The following MCM3AP variants were observed in gnomAD, a reference collection of about 807,000 sequenced individuals.
MCM3AP encodes germinal-center associated nuclear protein.
A neutral mutation model predicts 184.1 loss-of-function variants in MCM3AP; 126 were observed. That is an observed-to-expected ratio of 0.68 (90% CI 0.59 to 0.79). MCM3AP has a LOEUF of 0.79. Ranked by LOEUF, MCM3AP falls within the 30% of genes least tolerant of loss-of-function variation. The pLI is 0.00. For missense variants in MCM3AP, 2,496 were observed against 2,479.2 expected, an observed-to-expected ratio of 1.01 and a Z score of -0.14; for synonymous variants, 1,002 against 979.3, an observed-to-expected ratio of 1.02 and a Z score of -0.43.
intron 15 of MCM3AP, 120 bp downstream of exon 15, chr21:46,260,673 A>C: frequency 1.5e-6 from 1 of 672,716 alleles, no homozygotes; most frequent in East Asian, 2.6e-5. Flanking sequence ...CACAAAATCA[A>C]AGTAGCTTAG....
rs1397600655 is a variant in MCM3AP at position 46,280,507 on chromosome 21, C to T, written c.1512G>A (p.Arg504=). ...LHKDMAIFWH[R]KKISPNKKPF... The stretch of plus-strand genomic sequence containing the variant: ...TAATTGAAAACTCACTTATTTTCTT[C>T]CTGTGCCAAAAGATAGCCATGTCTT... Residue 504 remains arginine, a synonymous_variant, in exon 3 of 28, where the codon AGG becomes AGA. Transcript: ENST00000291688. 1 of 1,607,372 alleles carries T rather than the reference C, an allele frequency of 6.2e-7. No individual in the cohort carries two copies. Among genetic ancestry groups the T allele is most frequent in the Non-Finnish European group, 8.5e-7 (1 of 1,175,740 alleles).
Position 46,284,773 on chromosome 21 carries a change from C to A in MCM3AP, c.514G>T (p.Ala172Ser), listed in dbSNP as rs1246001899. ...TGGGAAAATGTAAAAAACCCAGAAG[C>A]AATTTGGCTCTGGGTTTTCTCTGGC... ...SEPEKTQSQIASGFFTFSHPI... is the reference protein window; with the variant it reads ...SEPEKTQSQISSGFFTFSHPI... The change falls in exon 1 of 28, where the codon GCT becomes TCT. Residue 172 changes from alanine (A) to serine (S), a missense_variant. Ala to Ser is a moderately conservative substitution (Grantham distance 99). This residue lies in a region of MCM3AP where 800 missense variants were observed against 717.1 expected (regional missense o/e 1.12). Transcript: ENST00000291688. 11 of 1,613,618 alleles carry A rather than the reference C, an allele frequency of 6.8e-6. No homozygotes were observed. Among genetic ancestry groups the A allele is most frequent in the Non-Finnish European group, 9.3e-6 (11 of 1,179,956 alleles).
intron 19 of MCM3AP, 75 bp downstream of exon 19, chr21:46,254,317 A>G (rs951636001): frequency 9.8e-5 from 152 of 1,546,162 alleles, no homozygotes; most frequent in Non-Finnish European, 1.3e-4. Context: ...TAAGAGGAAT[A>G]CCCGGCCCTG....
intron 24 of MCM3AP, among the ~76,000 whole-genome samples, chr21:46,243,223 A>G (rs2080703397): frequency 6.6e-6 from 1 of 152,194 alleles, no homozygotes; most frequent in African/African-American, 2.4e-5. Context: ...AAAAGCCACA[A>G]AATCCTCTCT....
chr21:46,278,258 T>C (rs938194393), intron 4 of MCM3AP, among the ~76,000 whole-genome samples: 5 of 152,232 alleles, frequency 3.3e-5, no homozygotes, highest in South Asian at 2.1e-4. Context: ...AAAAAGTCTT[T>C]AATATCATAA....
chr21:46,273,330 A>C (rs968775062), intron 7 of MCM3AP, 58 bp downstream of exon 7: 22 of 1,454,808 alleles, frequency 1.5e-5, no homozygotes, highest in Non-Finnish European at 2.0e-5. Context: ...TAAAAATATC[A>C]GTTTGACTTT....
chr21:46,243,659 T>G lies in MCM3AP; in HGVS notation c.5102A>C (p.Gln1701Pro). 6.2e-7 allele frequency: 1 copy of G among 1,614,218 alleles called. No individual in the cohort carries two copies. Among genetic ancestry groups the G allele is most frequent in the Non-Finnish European group, 8.5e-7 (1 of 1,180,038 alleles). The change falls in exon 24 of 28, where the codon CAG becomes CCG. Residue 1701 changes from glutamine to proline, a missense_variant. Physicochemically the swap from Gln to Pro is moderately conservative, Grantham distance 76. Coordinates refer to ENST00000291688, the MANE Select transcript of MCM3AP (RefSeq NM_003906.5). The part of the protein sequence containing the change: ...QYASQIPSSR[Q>P]TQPVLQSQVE... Reference sequence around the variant, plus strand: ...CTGGGACTGGAGGACAGGCTGTGTCTGGCGTGAGCTGGGGATCTGGGAGGC... The same window carrying G: ...CTGGGACTGGAGGACAGGCTGTGTCGGGCGTGAGCTGGGGATCTGGGAGGC...
intron 8 of MCM3AP, among the ~76,000 whole-genome samples, chr21:46,271,966 T>C (rs1402891762): frequency 6.6e-6 from 1 of 150,842 alleles, no homozygotes; most frequent in Non-Finnish European, 1.5e-5. Context: ...TCACCATTGA[T>C]AGGGGATTCT....
intron 20 of MCM3AP, chr21:46,251,287 T>C (rs931266032): frequency 8.6e-6 from 3 of 346,980 alleles, no homozygotes; most frequent in Non-Finnish European, 1.6e-5. Flanking sequence ...AAATCCAATA[T>C]ATAGTATTAA....
At position 46,277,698 on chromosome 21, in the gene MCM3AP, T is replaced by C. The variant is rs1217247353; in HGVS notation, c.1687A>G (p.Ser563Gly). Residue 563 changes from serine to glycine, a missense_variant, in exon 5 of 28, where the codon AGT becomes GGT. This residue lies in a region of MCM3AP where 800 missense variants were observed against 717.1 expected (regional missense o/e 1.12). Coordinates refer to ENST00000291688, the MANE Select transcript of MCM3AP (RefSeq NM_003906.5). ...LNKSSPVKKP[S>G]LLKAHQFEGD... is the part of the protein sequence containing the mutation. ...TCGAATTGGTGGGCCTTTAGAAGAC[T>C]TGGCTTCTTCACTGGAGAGCTATAA... The C allele has an allele frequency of 1.3e-6, 2 of 1,592,140 alleles. No homozygotes were observed. The highest frequency in any genetic ancestry group is 1.7e-6 in the Non-Finnish European group (2 of 1,169,310).
chr21:46,274,632 A>G (rs1279946921), intron 6 of MCM3AP, among the ~76,000 whole-genome samples: 2 of 152,168 alleles, frequency 1.3e-5, no homozygotes, highest in African/African-American at 4.8e-5. Context: ...GACAGGAATA[A>G]GATCGTAAAA....
intron 22 of MCM3AP, among the ~76,000 whole-genome samples, chr21:46,245,539 T>C (rs771481617): frequency 1.3e-5 from 2 of 152,226 alleles, no homozygotes; most frequent in Non-Finnish European, 2.9e-5. Context: ...CTTCTCCTTT[T>C]TGGAAGGACT....
chr21:46,261,403 T>C lies in MCM3AP; in HGVS notation c.3344A>G (p.Asn1115Ser). 2 of 1,613,998 alleles carry C rather than the reference T, an allele frequency of 1.2e-6. No homozygotes were observed. Among genetic ancestry groups the C allele is most frequent in the South Asian group, 1.1e-5 (1 of 91,080 alleles). ...TGTTAACAAATCCTCCATAGCAGCATTAGAAACACTAAACGGAGCAAAGGG... is the reference window on the plus strand; with the variant it reads ...TGTTAACAAATCCTCCATAGCAGCACTAGAAACACTAAACGGAGCAAAGGG... ...AYAAAALGVSNAAMEDLLTAA... is the reference protein window; with the variant it reads ...AYAAAALGVSSAAMEDLLTAA... Residue 1115 changes from asparagine to serine, a missense_variant, in exon 14 of 28, where the codon AAT (asparagine) becomes AGT (serine). Transcript: ENST00000291688.
At chr21:46,238,829 A>G (rs1827405528) in intron 26 of MCM3AP, among the ~76,000 whole-genome samples, 1 of 152,246 alleles carries the variant, frequency 6.6e-6, no homozygotes, top group Non-Finnish European at 1.5e-5. Flanking sequence ...GATGCTAGGC[A>G]TCATTCTAGG....
Position 46,235,289 on chromosome 21 carries a change from C to G in MCM3AP, c.5922G>C (p.Leu1974=), listed in dbSNP as rs1487014572. The G allele has an allele frequency of 1.9e-6, 3 of 1,614,098 alleles. No homozygotes were observed. In the East Asian group the frequency reaches 6.7e-5, roughly 36 times the overall value. Residue 1974 remains leucine (L), a synonymous_variant, in exon 28 of 28, where the codon CTG becomes CTC. Coordinates refer to ENST00000291688, the MANE Select transcript of MCM3AP (RefSeq NM_003906.5). ...CTGCTCAAATGTCCACCATGTCTAG[C>G]AGCGCAGAGAGATGGAGCTCAGAGG... ...EVASELHLSA[L]LDMVDI
At chr21:46,255,627 C>G (rs1452548526) in intron 17 of MCM3AP, among the ~76,000 whole-genome samples, 1 of 151,784 alleles carries the variant, frequency 6.6e-6, no homozygotes, top group Non-Finnish European at 1.5e-5. Flanking sequence ...GGGGAAAAAT[C>G]AGGTTTAGAG....
chr21:46,268,596 G>A (rs981743264), intron 9 of MCM3AP, among the ~76,000 whole-genome samples: 12 of 152,354 alleles, frequency 7.9e-5, no homozygotes, highest in South Asian at 2.1e-4. Context: ...AGCGCCGTGC[G>A]GCTCTGCGAG....
At chr21:46,275,429 C>A (rs1024088719) in intron 5 of MCM3AP, 104 bp from the exon 6 acceptor site, 2 of 952,210 alleles carry the variant, frequency 2.1e-6, no homozygotes, top group Non-Finnish European at 1.5e-6. Flanking sequence ...TTAAAACACA[C>A]ACACACATTA....
At chr21:46,270,988 T>C (rs1400496947) in intron 8 of MCM3AP, among the ~76,000 whole-genome samples, 1 of 152,224 alleles carries the variant, frequency 6.6e-6, no homozygotes, top group Non-Finnish European at 1.5e-5. Flanking sequence ...ATCAAAAAGT[T>C]ACTTTAAAGT....
Sources: gnomAD v4.1 joint callset for allele counts (sites outside exome capture counted in the v4.1 genomes callset) on GRCh38, gnomAD v4.1.1 for gene constraint, gnomAD v4.1.1 regional missense constraint, MANE v1.5 for transcripts, NCBI Gene and HGNC (gene_info 2026-07-23, HGNC 2026-07-21) for gene names.